The following MROH7 variants were observed in gnomAD, a reference collection of about 807,000 sequenced individuals.
The protein encoded by MROH7 is maestro heat-like repeat-containing protein family member 7.
A neutral mutation model predicts 129.2 loss-of-function variants in MROH7; 113 were observed. The observed-to-expected ratio is 0.87, with a 90% CI of 0.75 to 1.02. The LOEUF is 1.02. Ranked by LOEUF, MROH7 falls within the 50% of genes least tolerant of loss-of-function variation. MROH7 has a pLI of 0.00. For synonymous variants in MROH7, 655 were observed against 667.9 expected, an observed-to-expected ratio of 0.98 and a Z score of 0.30; for missense variants, 1,601 against 1,671.3, an observed-to-expected ratio of 0.96 and a Z score of 0.73.
chr1:54,690,148 C>T (rs891890199), intron 15 of MROH7, among the ~76,000 whole-genome samples: 3 of 152,186 alleles, frequency 2.0e-5, no homozygotes, highest in Non-Finnish European at 4.4e-5. Flanking sequence ...TTTGGGGACA[C>T]AAGAGCCACC....
chr1:54,652,360 T>C (rs1026113051), intron 2 of MROH7, among the ~76,000 whole-genome samples: 29 of 152,116 alleles, frequency 1.9e-4, no homozygotes, highest in African/African-American at 7.0e-4. Flanking sequence ...GGCTCTTCCT[T>C]CCCTTTTTCT....
intron 1 of MROH7, among the ~76,000 whole-genome samples, chr1:54,643,347 A>G (rs1254912617): frequency 6.6e-6 from 1 of 152,202 alleles, no homozygotes; most frequent in East Asian, 1.9e-4. Flanking sequence ...GAGTATTTGC[A>G]AAGGTCCCAA....
chr1:54,658,251 G>A (rs1008162443), intron 3 of MROH7, among the ~76,000 whole-genome samples: 1 of 152,150 alleles, frequency 6.6e-6, no homozygotes, highest in Non-Finnish European at 1.5e-5. Context: ...TTTCCCCAGT[G>A]AATGTTCTTA....
intron 1 of MROH7, among the ~76,000 whole-genome samples, 188 bp downstream of exon 1, chr1:54,642,156 T>C (rs1199455571): frequency 1.3e-5 from 2 of 151,376 alleles, no homozygotes; most frequent in African/African-American, 4.8e-5. Context: ...TTGTCTTTTT[T>C]CCAAGTCTCC....
intron 4 of MROH7, among the ~76,000 whole-genome samples, chr1:54,666,974 GCTT>G (rs2101098065): frequency 6.6e-6 from 1 of 152,268 alleles, no homozygotes; most frequent in South Asian, 2.1e-4. Flanking sequence ...AGACCTGGAA[GCTT>G]CTTCAATTCA....
In MROH7 at chr1:54,697,910, T is replaced by C. The variant is rs1269013115; in HGVS notation, c.2965-2411T>C. ...GTGTCCACCACAAAGTCAGGGACTC[T>C]AGGTTTAACTTCTCCCCACCATTCC... On this transcript the variant is annotated intron_variant, in intron 17 of 23. Transcript: ENST00000421030. 3 of 450,348 alleles carry C rather than the reference T, an allele frequency of 6.7e-6. No homozygotes were observed. The East Asian group carries it at 9.9e-5, about 15-fold the overall frequency. The allele number at this position is 450,348 out of a possible 1,614,324, so 27.9% of individuals were successfully genotyped here. A position where few individuals can be genotyped will look rare whatever the true frequency, so the allele number is the denominator to read the frequency against.
Position 54,710,160 on chromosome 1 carries a change from C to A in MROH7, c.3945C>A (p.Gly1315=). 1 of 1,613,262 alleles carries A rather than the reference C, an allele frequency of 6.2e-7. No homozygotes were observed. The highest frequency in any genetic ancestry group is 8.5e-7 in the Non-Finnish European group (1 of 1,179,964). Residue 1315 remains glycine, a synonymous_variant, in exon 24 of 24, where the codon GGC becomes GGA. Transcript: ENST00000421030. ...GCTCCTGGATCATGCAGGCACTGGG[C>A]TCCTGGAAGATGTCCTTGAAGAAGT... The part of the protein sequence containing the change: ...QRRSWIMQAL[G]SWKMSLKK
chr1:54,689,678 C>A (rs1645203284), intron 15 of MROH7, among the ~76,000 whole-genome samples: 1 of 152,204 alleles, frequency 6.6e-6, no homozygotes, highest in Non-Finnish European at 1.5e-5. Flanking sequence ...AGTTTCTGTG[C>A]CTTCCAGGAA....
chr1:54,662,918 G>A (rs1644753137), intron 3 of MROH7, among the ~76,000 whole-genome samples: 1 of 152,144 alleles, frequency 6.6e-6, no homozygotes, highest in Non-Finnish European at 1.5e-5. Context: ...GTTTCGATTT[G>A]TCTGATGCTT....
At position 54,661,038 on chromosome 1, in the gene MROH7, G is replaced by C. The variant is rs538388225; in HGVS notation, c.1232-4129G>C. Among the ~76,000 whole-genome samples the C allele has an allele frequency of 4.7e-4, 71 of 149,950 alleles. 1 individual carries two copies. Among genetic ancestry groups the C allele is most frequent in the African/African-American group, 1.4e-3 (58 of 40,650 alleles). ...TTTTTTTTTTTTTAATTTCAGAAGG[G>C]AACGGCATGTACATTTTGCTCATTT... On this transcript the variant is annotated intron_variant, in intron 3 of 23. Transcript: ENST00000421030.
chr1:54,669,626 G>A (rs1243925099), intron 5 of MROH7, among the ~76,000 whole-genome samples: 2 of 152,162 alleles, frequency 1.3e-5, no homozygotes, highest in African/African-American at 2.4e-5. Flanking sequence ...CTGGGCTCAC[G>A]GGATCCTCCC....
rs866867582 is a variant in MROH7 at position 54,677,126 on chromosome 1, C to T, written c.1937-1616C>T. Among the ~76,000 whole-genome samples, 8 of 151,628 alleles carry T rather than the reference C, an allele frequency of 5.3e-5. No individual in the cohort carries two copies. In the South Asian group the frequency reaches 6.3e-4, roughly 12 times the overall value. On this transcript the variant is annotated intron_variant, in intron 10 of 23. Coordinates refer to ENST00000421030, the MANE Select transcript of MROH7 (RefSeq NM_001039464.4). The stretch of plus-strand genomic sequence containing the variant: ...AAGTGCTGGGATTACAGGCCGGGTG[C>T]GGTGGCTCACGCCTGTAATTCCAGC...
chr1:54,701,804 C>T (rs189308166), intron 19 of MROH7, among the ~76,000 whole-genome samples: 16 of 152,050 alleles, frequency 1.1e-4, no homozygotes, highest in African/African-American at 2.2e-4. Context: ...CTGGGACTCA[C>T]GTGATCCACC....
At chr1:54,647,823 T>G (rs1332351068) in intron 1 of MROH7, among the ~76,000 whole-genome samples, 1 of 149,406 alleles carries the variant, frequency 6.7e-6, no homozygotes, top group African/African-American at 2.5e-5. Flanking sequence ...GAGAATCGCT[T>G]GAACCTGGGA....
intron 13 of MROH7, 59 bp from the exon 14 acceptor site, chr1:54,682,597 G>C (rs1645087399): frequency 6.5e-7 from 1 of 1,547,422 alleles, no homozygotes; most frequent in Admixed American, 1.9e-5. Flanking sequence ...ACCATTTGGA[G>C]GCTGGGTTAG....
At chr1:54,679,463 G>A in intron 12 of MROH7, 24 bp downstream of exon 12, 3 of 1,605,842 alleles carry the variant, frequency 1.9e-6, no homozygotes, top group Non-Finnish European at 2.6e-6. Flanking sequence ...GGGGCAGGGA[G>A]TGAACTGTCA....
At chr1:54,668,971 G>T in intron 5 of MROH7, 34 bp downstream of exon 5, 1 of 1,496,272 alleles carries the variant, frequency 6.7e-7, no homozygotes, top group Non-Finnish European at 9.3e-7. Flanking sequence ...GTGGCATTGG[G>T]GTGGGAGGGG....
intron 3 of MROH7, among the ~76,000 whole-genome samples, chr1:54,654,680 G>GAA (rs71045201): frequency 6.6e-5 from 10 of 150,930 alleles, no homozygotes; most frequent in Admixed American, 1.3e-4. Context: ...TCTCAAAAAA[G>GAA]AAAAAAAAAT....
chr1:54,706,565 G>C, intron 22 of MROH7, 28 bp downstream of exon 22: 1 of 1,514,494 alleles, frequency 6.6e-7, no homozygotes, highest in South Asian at 1.1e-5. Flanking sequence ...AAGTCATCCT[G>C]CTGCCAGGGC....
Sources: gnomAD v4.1 joint callset for allele counts (sites outside exome capture counted in the v4.1 genomes callset) on GRCh38, gnomAD v4.1.1 for gene constraint, MANE v1.5 for transcripts, NCBI Gene and HGNC (gene_info 2026-07-23, HGNC 2026-07-21) for gene names.